The following ABCA2 variants were observed in gnomAD, a reference collection of about 807,000 sequenced individuals.
ABCA2 encodes the protein ATP-binding cassette sub-family A member 2.
In ABCA2, 84 loss-of-function variants were observed where a neutral mutation model predicts 262.8. The observed-to-expected ratio is 0.32, with a 90% CI of 0.27 to 0.38. The LOEUF is 0.38. Ranked by LOEUF, ABCA2 falls within the 10% of genes least tolerant of loss-of-function variation. The pLI, the probability that ABCA2 is intolerant of heterozygous loss-of-function variation, is 1.00. For missense variants in ABCA2, 2,662 were observed against 3,405.9 expected, an observed-to-expected ratio of 0.78 and a Z score of 5.44; for synonymous variants, 1,696 against 1,502.9, an observed-to-expected ratio of 1.13 and a Z score of -2.97.
In ABCA2 at chr9:137,017,860, A is replaced by C. The variant is rs1469716366; in HGVS notation, c.2138T>G (p.Val713Gly). 1.9e-6 allele frequency: 3 copies of C among 1,612,632 alleles called. No homozygotes were observed. In the Admixed American group the frequency reaches 5.0e-5, roughly 27 times the overall value. ...VIEHMMPLCM[V>G]ISWVYSVAMT... is the part of the protein sequence containing the mutation. ...GGCCACGGAGTAGACCCAGGAGATC[A>C]CCATGCACAGCGGCATCATGTGCTC... is the stretch of plus-strand genomic sequence containing the variant. The change falls in exon 16 of 49, where the codon GTG becomes GGG. Residue 713 changes from valine (V) to glycine (G), a missense_variant. This residue lies in a region of ABCA2 where 188 missense variants were observed against 343.4 expected (regional missense o/e 0.55). Transcript: ENST00000341511.
intron 3 of ABCA2, 22 bp from the exon 4 acceptor site, chr9:137,023,074 G>T: frequency 6.5e-7 from 1 of 1,548,544 alleles, no homozygotes; most frequent in Non-Finnish European, 8.8e-7. Flanking sequence ...ACGGGAGAGG[G>T]CAGGGTCGGG....
At position 137,018,967 on chromosome 9, in the gene ABCA2, G is replaced by C. The variant is rs1049532212; in HGVS notation, c.1658C>G (p.Ala553Gly). 3 of 1,612,916 alleles carry C rather than the reference G, an allele frequency of 1.9e-6. No homozygotes were observed. In the African/African-American group the frequency reaches 4.0e-5, roughly 22 times the overall value. The change falls in exon 12 of 49, where the codon GCC becomes GGC. Residue 553 changes from alanine (A) to glycine (G), a missense_variant. Physicochemically the swap from Ala to Gly is moderately conservative, Grantham distance 60 (BLOSUM62 0). This residue lies in a region of ABCA2 where 187 missense variants were observed against 205.9 expected (regional missense o/e 0.91). Coordinates refer to ENST00000341511, the MANE Select transcript of ABCA2 (RefSeq NM_001606.5). Reference sequence around the variant, plus strand: ...AATGGTATCCAGCTGCTGCAGGAGGGCCATGCCACTGGGCAGCGAGAAGTT... The same window carrying C: ...AATGGTATCCAGCTGCTGCAGGAGGCCCATGCCACTGGGCAGCGAGAAGTT... ...QDNFSLPSGM[A>G]LLQQLDTIDN...
At position 137,010,205 on chromosome 9, in the gene ABCA2, A is replaced by C; in HGVS notation, c.6341T>G (p.Val2114Gly). 6.2e-7 allele frequency: 1 copy of C among 1,603,596 alleles called. No individual in the cohort carries two copies. The highest frequency in any genetic ancestry group is 8.5e-7 in the Non-Finnish European group (1 of 1,178,512). ...DESTTGGEAF[V>G]NGHSVLKELL... ...GCTCCCGCCCCACCTGTGTCCATTG[A>C]CGAAGGCCTCGCCCCCCGTCGTGCT... Residue 2114 changes from valine to glycine, a missense_variant, in exon 41 of 49, where the codon GTC (valine) becomes GGC (glycine). By Grantham distance (109) the Val-to-Gly change is moderately radical (BLOSUM62 -3). Coordinates refer to ENST00000341511, the MANE Select transcript of ABCA2 (RefSeq NM_001606.5).
rs1230279048 is a variant in ABCA2 at position 137,016,643 on chromosome 9, A to G, written c.2854T>C (p.Trp952Arg). Reference protein sequence around the residue: ...RTEAWEWSWPWARTPRLSVME... With the variant: ...RTEAWEWSWPRARTPRLSVME... ...ACACTGAGGCGGGGGGTGCGTGCCCACGGCCAGCTCCACTCCCAGGCTTCT... is the reference window on the plus strand; with the variant it reads ...ACACTGAGGCGGGGGGTGCGTGCCCGCGGCCAGCTCCACTCCCAGGCTTCT... Residue 952 changes from tryptophan to arginine, a missense_variant, in exon 20 of 49, where the codon TGG (tryptophan) becomes CGG (arginine). Trp to Arg is a moderately radical substitution (Grantham distance 101). Around this residue, in one of 12 missense-constraint regions of ABCA2, gnomAD observed 133 missense variants for 150.8 expected, o/e 0.88. Coordinates refer to ENST00000341511, the MANE Select transcript of ABCA2 (RefSeq NM_001606.5). 1.2e-6 allele frequency: 2 copies of G among 1,609,372 alleles called. No homozygotes were observed. Among genetic ancestry groups the G allele is most frequent in the African/African-American group, 2.7e-5 (2 of 74,864 alleles).
In ABCA2 at chr9:137,015,946, C is replaced by CAGGGGGGGGGGGGGGGGGGGG; in HGVS notation, c.3317+15_3317+16insCCCCCCCCCCCCCCCCCCCCT. ...GCCTCCGCCCACCTGCCCCGCCCCC[C>CAGGGGGGGGGGGGGGGGGGGG]GCCCAGCCCACCCACTTGTCCATCT... On this transcript the variant is annotated intron_variant, in intron 22 of 48. Coordinates refer to ENST00000341511, the MANE Select transcript of ABCA2 (RefSeq NM_001606.5). The CAGGGGGGGGGGGGGGGGGGGG allele has an allele frequency of 2.1e-6, 1 of 484,324 alleles. No individual in the cohort carries two copies. The highest frequency in any genetic ancestry group is 4.0e-6 in the Non-Finnish European group (1 of 253,146). 30.0% of individuals were successfully genotyped at this position (484,324 alleles called of 1,614,324 possible).
chr9:137,017,316 G>T lies in ABCA2; in HGVS notation c.2433C>A (p.Ala811=). 1 of 1,612,648 alleles carries T rather than the reference G, an allele frequency of 6.2e-7. No homozygotes were observed. The change falls in exon 18 of 49, where the codon GCC becomes GCA. Residue 811 remains alanine, a synonymous_variant. Coordinates refer to ENST00000341511, the MANE Select transcript of ABCA2 (RefSeq NM_001606.5). ...CFLVSVLYSK[A]KLASACGGII... Reference sequence around the variant, plus strand: ...TGCCACCGCAGGCCGAGGCCAGCTTGGCCTTGGAGTACAGCACAGACACCA... The same window carrying T: ...TGCCACCGCAGGCCGAGGCCAGCTTTGCCTTGGAGTACAGCACAGACACCA...
At position 137,013,472 on chromosome 9, in the gene ABCA2, G is replaced by A; in HGVS notation, c.4539C>T (p.Arg1513=). ...GNFIPYANEE[R]REYRLRLSPD... ...GCTGGAGGCCTCACCGGTACTCGCG[G>A]CGCTCCTCGTTGGCGTAGGGGATGA... The change falls in exon 29 of 49, where the codon CGC becomes CGT. Residue 1513 remains arginine (R), a synonymous_variant. Coordinates refer to ENST00000341511, the MANE Select transcript of ABCA2 (RefSeq NM_001606.5). The A allele has an allele frequency of 1.2e-6, 2 of 1,606,690 alleles. No homozygotes were observed. Among genetic ancestry groups the A allele is most frequent in the South Asian group, 1.1e-5 (1 of 89,556 alleles).
rs967247891 is a variant in ABCA2 at position 137,010,018 on chromosome 9, G to A, written c.6460C>T (p.Arg2154Trp). 2 of 1,599,210 alleles carry A rather than the reference G, an allele frequency of 1.3e-6. No individual in the cohort carries two copies. The highest frequency in any genetic ancestry group is 1.7e-6 in the Non-Finnish European group (2 of 1,174,696). The stretch of plus-strand genomic sequence containing the variant: ...TCCTTCCAGGAGATCCCACGCAGCC[G>A]CGTGTACAGCTGCAGGTGCTCCCGG... ...TAREHLQLYT[R>W]LRGISWKDEA... Residue 2154 changes from arginine (R) to tryptophan (W), a missense_variant, in exon 42 of 49, where the codon CGG becomes TGG. Arg to Trp is a moderately radical substitution (Grantham distance 101). Coordinates refer to ENST00000341511, the MANE Select transcript of ABCA2 (RefSeq NM_001606.5).
upstream of ABCA2, chr9:137,028,315 C>T (rs1831733319): frequency 2.1e-6 from 2 of 956,700 alleles, no homozygotes; most frequent in African/African-American, 3.6e-5. This position sits in a 1 kb window ranked among gnomAD's most constrained non-coding sequence, Gnocchi z 6.9. Flanking sequence ...GCGACTCTGC[C>T]CGCGCCCCGC....
chr9:137,024,088 G>A, intron 2 of ABCA2, 55 bp downstream of exon 2: 1 of 1,553,016 alleles, frequency 6.4e-7, no homozygotes, highest in Non-Finnish European at 8.7e-7. Context: ...CACAGCGCAG[G>A]CGTGCGAGGT....
Position 137,010,601 on chromosome 9 carries a change from C to A in ABCA2, c.6174+19G>T. 6.3e-7 allele frequency: 1 copy of A among 1,577,268 alleles called. No homozygotes were observed. Among genetic ancestry groups the A allele is most frequent in the Non-Finnish European group, 8.7e-7 (1 of 1,148,064 alleles). Reference sequence around the variant, plus strand: ...TGGCCTACCCCACCCAGGCCCCACCCTACATGCCCAGAGCCCACCTTGGTC... The same window carrying A: ...TGGCCTACCCCACCCAGGCCCCACCATACATGCCCAGAGCCCACCTTGGTC... On this transcript the variant is annotated intron_variant, in intron 40 of 48. Coordinates refer to ENST00000341511, the MANE Select transcript of ABCA2 (RefSeq NM_001606.5).
chr9:137,022,092 G>A (rs1283055429), intron 6 of ABCA2, 91 bp from the exon 7 acceptor site: 18 of 736,920 alleles, frequency 2.4e-5, no homozygotes, highest in South Asian at 1.9e-4. Flanking sequence ...TGGGGGCGTG[G>A]CTTAGATGGT....
chr9:137,014,466 C>T lies in ABCA2; in HGVS notation c.4004-62G>A, dbSNP rs933881632. 3.3e-6 allele frequency: 5 copies of T among 1,507,084 alleles called. 1 individual carries two copies. The highest frequency in any genetic ancestry group is 2.4e-5 in the South Asian group (2 of 81,890). The allele number at this position is 1,507,084 out of a possible 1,614,324, so 93.4% of individuals were successfully genotyped here. A position where few individuals can be genotyped will look rare whatever the true frequency, so the allele number is the denominator to read the frequency against. ...TACTGGCCCCTAGGCCTGCCCAGGACCCCCATCCCCGGTCTTGACCCCAGT... is the reference window on the plus strand; with the variant it reads ...TACTGGCCCCTAGGCCTGCCCAGGATCCCCATCCCCGGTCTTGACCCCAGT... On this transcript the variant is annotated intron_variant, in intron 26 of 48. Coordinates refer to ENST00000341511, the MANE Select transcript of ABCA2 (RefSeq NM_001606.5).
chr9:137,008,304 C>A, intron 48 of ABCA2, 112 bp downstream of exon 48: 1 of 1,276,412 alleles, frequency 7.8e-7, no homozygotes. Flanking sequence ...GACCTCTGGA[C>A]AGCAAGCATC....
chr9:137,018,117 C>T (rs1042156895), intron 14 of ABCA2, 42 bp from the exon 15 acceptor site: 1 of 1,609,630 alleles, frequency 6.2e-7, no homozygotes, highest in Non-Finnish European at 8.5e-7. Flanking sequence ...CAGGCCCTCT[C>T]GTCCTCACAC....
rs1052825118 is a variant in ABCA2, at chr9:137,021,288, G to A, written c.897+104C>T. The stretch of plus-strand genomic sequence containing the variant: ...TACCCACCCACAGGCAGCATCCCAC[G>A]CACAGCCTGGGCCCAGGAGCCCTGA... On this transcript the variant is annotated intron_variant, in intron 8 of 48. Transcript: ENST00000341511. This position sits in a 1 kb window ranked among gnomAD's most constrained non-coding sequence, Gnocchi z 6.0. 11 of 1,428,934 alleles carry A rather than the reference G, an allele frequency of 7.7e-6. No homozygotes were observed. The highest frequency in any genetic ancestry group is 1.4e-5 in the African/African-American group (1 of 70,868). 88.5% of individuals were successfully genotyped at this position (1,428,934 alleles called of 1,614,324 possible).
chr9:137,012,293 G>A lies in ABCA2; in HGVS notation c.5271C>T (p.Pro1757=). The A allele has an allele frequency of 6.2e-7, 1 of 1,603,288 alleles. No individual in the cohort carries two copies. Among genetic ancestry groups the A allele is most frequent in the Non-Finnish European group, 8.5e-7 (1 of 1,176,930 alleles). The change falls in exon 33 of 49, where the codon CCC becomes CCT. Residue 1757 remains proline, a synonymous_variant. Coordinates refer to ENST00000341511, the MANE Select transcript of ABCA2 (RefSeq NM_001606.5). ...AAGCCGCCGGGTTGCCCTTGCTCTT[G>A]GGCAGGTTGGCACGCAGGATGGCGT... ...LNNAILRANL[P]KSKGNPAAYG... is the part of the protein sequence containing the mutation.
chr9:137,018,268 TC>T lies in ABCA2; in HGVS notation c.1902del (p.Thr636ProfsTer31). 6.2e-7 allele frequency: 1 copy of T among 1,609,558 alleles called. No individual in the cohort carries two copies. The highest frequency in any genetic ancestry group is 8.5e-7 in the Non-Finnish European group (1 of 1,179,332). On this transcript the variant is annotated frameshift_variant, in exon 14 of 49. Coordinates refer to ENST00000341511, the MANE Select transcript of ABCA2 (RefSeq NM_001606.5). LOFTEE classifies it high-confidence loss of function. Reference protein sequence around the residue: ...YKIRQNSSFTEKTNEIRRAYW... With the variant: ...YKIRQNSSFTXKTNEIRRAYW... ...TAGGCGCGGCGGATCTCGTTGGTTT[TC>T]TCGGTGAAGCTGGAGTTCTGGCGGA...
At chr9:137,008,003 G>A (rs748095140) in intron 48 of ABCA2, 39 bp from the exon 49 acceptor site, 1 of 1,590,080 alleles carries the variant, frequency 6.3e-7, no homozygotes, top group South Asian at 1.1e-5. Context: ...GGCATCCTGT[G>A]CCACCCCCTG....
Sources: allele counts gnomAD v4.1 joint callset, GRCh38; gene constraint gnomAD v4.1.1; regional missense constraint gnomAD v4.1.1; non-coding constraint Gnocchi (gnomAD v3.1); transcripts MANE v1.5; gene names NCBI Gene and HGNC (gene_info 2026-07-23, HGNC 2026-07-21).